TEX11: variants seen among roughly 807,000 people sequenced by gnomAD.
TEX11 encodes the protein testis expressed 11, also known as testis-expressed protein 11.
A neutral mutation model predicts 84.4 loss-of-function variants in TEX11; 7 were observed. The observed-to-expected ratio is 0.08, with a 90% CI of 0.05 to 0.16. The LOEUF (loss-of-function observed/expected upper bound fraction) is 0.16, where lower values mean the gene tolerates loss of function less well. TEX11 is among the 10% of genes least tolerant of loss of function. TEX11 has a pLI of 1.00. For missense variants in TEX11, 551 were observed against 660.5 expected (o/e 0.83, Z 1.82); for synonymous variants, 264 against 222.8 (o/e 1.18, Z -1.64).
chrX:70,790,979 T>C (rs2091114510), intron 9 of TEX11, among the ~76,000 whole-genome samples: 1 of 112,077 alleles, frequency 8.9e-6, no homozygotes, highest in Non-Finnish European at 1.9e-5. Context: ...TTAGGGTACA[T>C]GTGCACAACA....
the TEX11 span, among the ~76,000 whole-genome samples, chrX:70,522,778 G>A: frequency 9.1e-6 from 1 of 109,643 alleles, no homozygotes; most frequent in African/African-American, 3.3e-5. Flanking sequence ...CCCGACCTCA[G>A]GTGATCTGCC....
chrX:70,819,177 C>G (rs2091305527), intron 8 of TEX11, among the ~76,000 whole-genome samples: 1 of 111,424 alleles, frequency 9.0e-6, no homozygotes, highest in African/African-American at 3.3e-5. Flanking sequence ...AACACAGATG[C>G]AAAAATCCTC....
At chrX:70,736,540 C>CAA (rs1223892423) in intron 11 of TEX11, among the ~76,000 whole-genome samples, 5 of 70,886 alleles carry the variant, frequency 7.1e-5, no homozygotes, top group African/African-American at 2.6e-4. Flanking sequence ...CTGAGTGAGG[C>CAA]AAAAAAAAAA....
intron 20 of TEX11, among the ~76,000 whole-genome samples, chrX:70,612,966 A>G (rs1249141999): frequency 1.8e-5 from 2 of 112,205 alleles, no homozygotes; most frequent in African/African-American, 6.5e-5. Flanking sequence ...AGGAACAAAG[A>G]TAAGAATTAC....
At chrX:70,530,283 C>A (rs2087869738) in intron 28 of TEX11, among the ~76,000 whole-genome samples, 1 of 111,923 alleles carries the variant, frequency 8.9e-6, no homozygotes, top group Admixed American at 9.5e-5. Context: ...ACGAGAAAAA[C>A]TTGCATACTG....
chrX:70,694,130 C>T (rs929784328), intron 13 of TEX11, among the ~76,000 whole-genome samples: 1 of 111,007 alleles, frequency 9.0e-6, no homozygotes, highest in Non-Finnish European at 1.9e-5. Flanking sequence ...CTGCAACCTC[C>T]ACCTCCCGGG....
At chrX:70,602,118 C>T (rs1007291547) in intron 24 of TEX11, among the ~76,000 whole-genome samples, 8 of 111,893 alleles carry the variant, frequency 7.1e-5, no homozygotes, top group African/African-American at 2.6e-4. Context: ...GGCGGCCGGG[C>T]AGAAGCGCCC....
intron 8 of TEX11, among the ~76,000 whole-genome samples, chrX:70,822,384 G>A (rs1056655354): frequency 7.2e-5 from 8 of 110,656 alleles, no homozygotes; most frequent in African/African-American, 2.6e-4. Flanking sequence ...CAATACCCAA[G>A]ATATGGAAAC....
intron 11 of TEX11, among the ~76,000 whole-genome samples, chrX:70,733,954 C>A (rs749854250): frequency 3.1e-4 from 35 of 111,795 alleles, no homozygotes; most frequent in African/African-American, 1.1e-3. Flanking sequence ...CACATACACA[C>A]CATGGAATAC....
chrX:70,899,991 C>T (rs2091793343), intron 2 of TEX11, among the ~76,000 whole-genome samples: 1 of 102,295 alleles, frequency 9.8e-6, no homozygotes, highest in South Asian at 4.6e-4. Context: ...CATGGTGAAA[C>T]CCGGTCTCTA....
intron 24 of TEX11, among the ~76,000 whole-genome samples, chrX:70,598,280 T>A (rs1303833157): frequency 8.9e-6 from 1 of 112,304 alleles, no homozygotes; most frequent in Non-Finnish European, 1.9e-5. Flanking sequence ...ACATCATTAG[T>A]CATAATGGAA....
chrX:70,539,810 A>G (rs2088017328), intron 28 of TEX11, among the ~76,000 whole-genome samples: 2 of 111,909 alleles, frequency 1.8e-5, no homozygotes, highest in South Asian at 7.5e-4. Flanking sequence ...CACAGTGATA[A>G]GTTCTCTGGG....
Position 70,678,791 on chromosome X carries a change from A to T in TEX11, c.1242+13T>A. The T allele has an allele frequency of 8.4e-7, 1 of 1,186,601 alleles. No individual in the cohort carries two copies. The highest frequency in any genetic ancestry group is 1.1e-6 in the Non-Finnish European group (1 of 881,570). ...TGGAGAAATAAAGAATGAAAAAGAG[A>T]TTATTCTCAAACCTCAAAACTACTG... On this transcript the variant is annotated intron_variant, in intron 15 of 29. Coordinates refer to ENST00000374333, the MANE Select transcript of TEX11 (RefSeq NM_031276.3).
chrX:70,569,461 C>T (rs893864708), intron 25 of TEX11, among the ~76,000 whole-genome samples: 2 of 111,949 alleles, frequency 1.8e-5, no homozygotes, highest in South Asian at 7.5e-4. Flanking sequence ...AGCTGCGTTC[C>T]TTTGGAGGAG....
intron 9 of TEX11, among the ~76,000 whole-genome samples, chrX:70,765,060 A>G (rs1013923843): frequency 8.9e-6 from 1 of 111,866 alleles, no homozygotes; most frequent in African/African-American, 3.2e-5. Flanking sequence ...TATTGATGCA[A>G]AAATCCTCGA....
intron 21 of TEX11, 100 bp from the exon 22 acceptor site, chrX:70,609,277 T>C (rs976088121): frequency 1.4e-6 from 1 of 730,097 alleles, no homozygotes; most frequent in Non-Finnish European, 1.9e-6. Flanking sequence ...AGTTTGAATT[T>C]AGAAAGTTCT....
intron 16 of TEX11, among the ~76,000 whole-genome samples, chrX:70,654,709 CAAAAAA>C (rs56822297): frequency 2.7e-5 from 1 of 37,617 alleles, no homozygotes; most frequent in African/African-American, 1.2e-4. Context: ...GACTCTGTCT[CAAAAAA>C]AAAAAAAAAA....
At chrX:70,600,405 C>T in intron 24 of TEX11, among the ~76,000 whole-genome samples, 1 of 111,144 alleles carries the variant, frequency 9.0e-6, no homozygotes, top group East Asian at 2.8e-4. Flanking sequence ...TAGACTCCCA[C>T]ACATTAATAA....
At chrX:70,585,314 A>G (rs945996936) in intron 25 of TEX11, among the ~76,000 whole-genome samples, 2 of 112,319 alleles carry the variant, frequency 1.8e-5, no homozygotes, top group African/African-American at 6.5e-5. Flanking sequence ...AAGGTGGAAG[A>G]TCTGTACAAT....
Sources: allele counts gnomAD v4.1 joint callset (sites outside exome capture counted in the v4.1 genomes callset), GRCh38; gene constraint gnomAD v4.1.1; transcripts MANE v1.5; gene names NCBI Gene and HGNC (gene_info 2026-07-23, HGNC 2026-07-21).